The following ACADL variants were observed in gnomAD, a reference collection of about 807,000 sequenced individuals.
ACADL encodes long-chain specific acyl-CoA dehydrogenase, mitochondrial.
Under a neutral mutation model 56.9 loss-of-function variants are expected in ACADL, and 60 were observed. The observed-to-expected ratio is 1.05, with a 90% CI of 0.86 to 1.31. The LOEUF (loss-of-function observed/expected upper bound fraction) is 1.31, where lower values mean the gene tolerates loss of function less well. Ranked by LOEUF, ACADL falls within the 50% of genes most tolerant of loss-of-function variation. The pLI is 0.00. For missense variants in ACADL, 484 were observed against 525.5 expected (o/e 0.92, Z 0.77); for synonymous variants, 158 against 179.7 (o/e 0.88, Z 0.97).
At chr2:210,199,417 T>C (rs1688759650) in intron 8 of ACADL, among the ~76,000 whole-genome samples, 2 of 152,098 alleles carry the variant, frequency 1.3e-5, no homozygotes, top group African/African-American at 4.8e-5. Context: ...AACAATAAAA[T>C]GATACTTCTT....
chr2:210,222,234 A>G (rs1170867599), intron 1 of ACADL, among the ~76,000 whole-genome samples: 1 of 152,234 alleles, frequency 6.6e-6, no homozygotes, highest in Non-Finnish European at 1.5e-5. Flanking sequence ...AAACTGAATA[A>G]ACAATAAACT....
intron 9 of ACADL, among the ~76,000 whole-genome samples, chr2:210,194,203 G>T (rs1256391442): frequency 6.6e-6 from 1 of 151,992 alleles, no homozygotes; most frequent in Admixed American, 6.6e-5. Flanking sequence ...ACTAGTCAAA[G>T]AACTTCTTGT....
At chr2:210,204,025 G>T (rs1204346569) in intron 7 of ACADL, among the ~76,000 whole-genome samples, 1 of 152,122 alleles carries the variant, frequency 6.6e-6, no homozygotes, top group African/African-American at 2.4e-5. Context: ...TGTAAAAGTA[G>T]CCTTAGTCAG....
At chr2:210,190,639 G>C (rs995755731) in intron 10 of ACADL, among the ~76,000 whole-genome samples, 4 of 151,966 alleles carry the variant, frequency 2.6e-5, no homozygotes, top group Admixed American at 1.3e-4. Context: ...ACTCCTCACG[G>C]GCTCGAGCCT....
intron 1 of ACADL, among the ~76,000 whole-genome samples, chr2:210,223,232 G>T (rs1689206066): frequency 6.6e-6 from 1 of 152,160 alleles, no homozygotes; most frequent in South Asian, 2.1e-4. Context: ...ACACTTGGCA[G>T]CAAGTTTATT....
At chr2:210,207,515 A>G (rs534449480) in intron 5 of ACADL, among the ~76,000 whole-genome samples, 1 of 151,368 alleles carries the variant, frequency 6.6e-6, no homozygotes, top group African/African-American at 2.4e-5. Flanking sequence ...CCCTTTCCCA[A>G]CTCTGCTGCA....
intron 2 of ACADL, among the ~76,000 whole-genome samples, 183 bp from the exon 3 acceptor site, chr2:210,218,285 CTTTT>C (rs35116912): frequency 1.0e-5 from 1 of 95,382 alleles, no homozygotes; most frequent in Admixed American, 1.6e-4. Context: ...CTTTTTTCTG[CTTTT>C]TTTTTTTTTT....
At chr2:210,209,285 G>A (rs543596788) in intron 5 of ACADL, among the ~76,000 whole-genome samples, 1 of 152,184 alleles carries the variant, frequency 6.6e-6, no homozygotes, top group Non-Finnish European at 1.5e-5. Context: ...TTTCCTTCAC[G>A]TAACACTCAG....
At chr2:210,210,357 T>C in intron 4 of ACADL, 95 bp from the exon 5 acceptor site, 1 of 907,508 alleles carries the variant, frequency 1.1e-6, no homozygotes, top group Non-Finnish European at 1.7e-6. Context: ...TTATTCAAAC[T>C]GGCTACACCA....
chr2:210,196,057 A>C (rs1688706248), intron 8 of ACADL, among the ~76,000 whole-genome samples: 1 of 152,088 alleles, frequency 6.6e-6, no homozygotes, highest in African/African-American at 2.4e-5. Flanking sequence ...GGTGGGAGAT[A>C]ATTGAATCAT....
At chr2:210,203,292 C>A (rs1426762728) in intron 8 of ACADL, 39 bp downstream of exon 8, 2 of 1,390,006 alleles carry the variant, frequency 1.4e-6, no homozygotes, top group Non-Finnish European at 2.0e-6. Context: ...GATTAGTAAA[C>A]TGATACCATC....
chr2:210,225,173 C>T lies in ACADL; in HGVS notation c.77+14G>A, dbSNP rs775883948. 4.6e-6 allele frequency: 7 copies of T among 1,529,224 alleles called. No individual in the cohort carries two copies. The Admixed American group carries it at 5.9e-5, about 13-fold the overall frequency. The allele number at this position is 1,529,224 out of a possible 1,614,324, so 94.7% of individuals were successfully genotyped here. Reference sequence around the variant, plus strand: ...TCCCGGCCTGCAGCCGCGGAAGTCCCGGCTGGCACTCACCGCGCGGCGGGC... The same window carrying T: ...TCCCGGCCTGCAGCCGCGGAAGTCCTGGCTGGCACTCACCGCGCGGCGGGC... On this transcript the variant is annotated intron_variant, in intron 1 of 10. Coordinates refer to ENST00000233710, the MANE Select transcript of ACADL (RefSeq NM_001608.4).
At chr2:210,217,941 A>G in intron 3 of ACADL, 24 bp downstream of exon 3, 1 of 1,613,782 alleles carries the variant, frequency 6.2e-7, no homozygotes, top group Non-Finnish European at 8.5e-7. Flanking sequence ...AACAAGACTC[A>G]ACCTTAAAAG....
intron 9 of ACADL, among the ~76,000 whole-genome samples, chr2:210,194,773 T>C (rs1688681895): frequency 6.6e-6 from 1 of 152,198 alleles, no homozygotes; most frequent in African/African-American, 2.4e-5. Context: ...AGTTTAATTA[T>C]AGTTATTTAA....
At chr2:210,195,161 C>T (rs759012802) in intron 9 of ACADL, 50 bp downstream of exon 9, 1 of 1,612,450 alleles carries the variant, frequency 6.2e-7, no homozygotes, top group East Asian at 2.2e-5. Context: ...TGGCAGAATT[C>T]CATATCAGTC....
chr2:210,216,920 A>C (rs1438781440), intron 3 of ACADL, among the ~76,000 whole-genome samples: 1 of 152,002 alleles, frequency 6.6e-6, no homozygotes, highest in East Asian at 1.9e-4. Context: ...AAATAGAAAA[A>C]AAGAAAAAAA....
Position 210,217,077 on chromosome 2 carries a change from TA to T in ACADL, c.372-567del, listed in dbSNP as rs1246792547. ...TAAATTATATGACACAACAAAATCC[TA>T]TTTTTTTTACATATATTTTAATCTT... On this transcript the variant is annotated intron_variant, in intron 3 of 10. Transcript: ENST00000233710. Among the ~76,000 whole-genome samples the T allele has an allele frequency of 0.037, 20 of 546 alleles. No individual in the cohort carries two copies. The South Asian group carries it at 0.48, about 13-fold the overall frequency. 0.4% of individuals were successfully genotyped at this position (546 alleles called of 152,430 possible).
chr2:210,208,557 A>G (rs1006106837), intron 5 of ACADL, among the ~76,000 whole-genome samples: 1 of 152,212 alleles, frequency 6.6e-6, no homozygotes, highest in Non-Finnish European at 1.5e-5. Flanking sequence ...AGGATATTAA[A>G]TGCTTATAAA....
At chr2:210,211,001 G>A (rs1473989795) in intron 4 of ACADL, among the ~76,000 whole-genome samples, 1 of 151,860 alleles carries the variant, frequency 6.6e-6, no homozygotes, top group Non-Finnish European at 1.5e-5. Flanking sequence ...TGCTCTAAGT[G>A]TAGAATAGAT....
Sources: gnomAD v4.1 joint callset for allele counts (sites outside exome capture counted in the v4.1 genomes callset) on GRCh38, gnomAD v4.1.1 for gene constraint, MANE v1.5 for transcripts, NCBI Gene and HGNC (gene_info 2026-07-23, HGNC 2026-07-21) for gene names.